The following VPS53 variants were observed in gnomAD, a reference collection of about 807,000 sequenced individuals.
VPS53 encodes VPS53 subunit of GARP complex, also known as vacuolar protein sorting-associated protein 53 homolog.
VPS53 carries 70 observed loss-of-function variants against 107.0 expected under a neutral mutation model. That is an observed-to-expected ratio of 0.65 (90% CI 0.54 to 0.80). VPS53 has a LOEUF of 0.80. VPS53 is among the 30% of genes least tolerant of loss of function. The pLI is 0.00. For missense variants in VPS53, 917 were observed against 1,049.4 expected (o/e 0.87, Z 1.74); for synonymous variants, 409 against 393.3 (o/e 1.04, Z -0.47).
rs141812866 is a variant in VPS53, at chr17:680,166, C to T, written c.285+17252G>A. Among the ~76,000 whole-genome samples the T allele has an allele frequency of 9.2e-5, 14 of 152,120 alleles. No individual in the cohort carries two copies. The East Asian group carries it at 2.7e-3, about 29-fold the overall frequency. On this transcript the variant is annotated intron_variant, in intron 4 of 21. Transcript: ENST00000437048. ...AAAATTAGCCGGTCATGGTAGCAGG[C>T]GTCTGTTATCCCAGCTACTCGGGAG...
At chr17:554,731 C>A (rs79305818) in intron 15 of VPS53, among the ~76,000 whole-genome samples, 1,807 of 152,230 alleles carry the variant, frequency 0.012, 27 homozygotes, top group African/African-American at 0.041. Flanking sequence ...ACAGAATAAC[C>A]AATGTTTTGT....
At chr17:714,282 G>A in intron 1 of VPS53, 1 of 287,286 alleles carries the variant, frequency 3.5e-6, no homozygotes, top group Non-Finnish European at 6.5e-6. Flanking sequence ...GTTGGCACGA[G>A]TCTGGTAAAT....
At chr17:639,474 T>C (rs1010896174) in intron 7 of VPS53, among the ~76,000 whole-genome samples, 9 of 152,312 alleles carry the variant, frequency 5.9e-5, no homozygotes, top group African/African-American at 2.2e-4. Context: ...CTTTGTTCCT[T>C]TGGAGGGGGA....
intron 4 of VPS53, among the ~76,000 whole-genome samples, chr17:692,146 G>A (rs763950337): frequency 5.3e-5 from 8 of 152,130 alleles, no homozygotes; most frequent in African/African-American, 9.7e-5. Context: ...ACCGGTCAAC[G>A]TTGGCCACTC....
intron 17 of VPS53, among the ~76,000 whole-genome samples, chr17:541,483 AGGGG>A (rs1910641857): frequency 7.1e-6 from 1 of 141,640 alleles, no homozygotes; most frequent in African/African-American, 2.7e-5. Flanking sequence ...ACCATGCACC[AGGGG>A]CTGAAAGAAT....
At chr17:633,643 C>T (rs989987292) in intron 7 of VPS53, among the ~76,000 whole-genome samples, 2 of 152,110 alleles carry the variant, frequency 1.3e-5, no homozygotes, top group African/African-American at 4.8e-5. Flanking sequence ...TTTAAAACCA[C>T]TCTTAGAGGT....
chr17:536,930 C>CT (rs779525938), intron 18 of VPS53, 98 bp downstream of exon 18: 2 of 1,475,262 alleles, frequency 1.4e-6, no homozygotes, highest in Non-Finnish European at 1.8e-6. Flanking sequence ...AATCTCTGTG[C>CT]TTGCTGCTTA....
At chr17:677,173 C>T (rs1972200893) in intron 4 of VPS53, among the ~76,000 whole-genome samples, 1 of 152,092 alleles carries the variant, frequency 6.6e-6, no homozygotes, top group Non-Finnish European at 1.5e-5. Flanking sequence ...TCACTGTTCA[C>T]AAAAGCCAAA....
chr17:549,786 C>T (rs918698679), intron 17 of VPS53, among the ~76,000 whole-genome samples: 1 of 152,116 alleles, frequency 6.6e-6, no homozygotes, highest in African/African-American at 2.4e-5. Flanking sequence ...CCTCACTTTG[C>T]CTGCTCAGAG....
At chr17:695,462 G>A (rs1410436859) in intron 4 of VPS53, among the ~76,000 whole-genome samples, 1 of 152,118 alleles carries the variant, frequency 6.6e-6, no homozygotes, top group African/African-American at 2.4e-5. Flanking sequence ...CATGCTCGTA[G>A]AGCACAAAGT....
intron 13 of VPS53, among the ~76,000 whole-genome samples, chr17:569,108 G>A (rs542888053): frequency 1.7e-4 from 26 of 152,186 alleles, no homozygotes; most frequent in Non-Finnish European, 3.7e-4. Context: ...TACAGGATAA[G>A]CCTAGTATAT....
intron 4 of VPS53, among the ~76,000 whole-genome samples, chr17:694,461 T>C (rs975506134): frequency 3.3e-5 from 5 of 152,140 alleles, no homozygotes; most frequent in African/African-American, 1.2e-4. Flanking sequence ...CAACAAAAAA[T>C]GCCGATGAAT....
At chr17:694,711 A>C (rs1345049811) in intron 4 of VPS53, among the ~76,000 whole-genome samples, 3 of 152,210 alleles carry the variant, frequency 2.0e-5, no homozygotes, top group Non-Finnish European at 4.4e-5. Flanking sequence ...ATTTATAATT[A>C]ATAAACAATC....
intron 2 of VPS53, among the ~76,000 whole-genome samples, chr17:700,493 G>A (rs1973157024): frequency 6.6e-6 from 1 of 152,158 alleles, no homozygotes; most frequent in Admixed American, 6.6e-5. Flanking sequence ...AGAGGTTGCA[G>A]TGAGCTGAGA....
At chr17:586,195 G>A in intron 13 of VPS53, 75 bp downstream of exon 13, 1 of 1,357,212 alleles carries the variant, frequency 7.4e-7, no homozygotes, top group Non-Finnish European at 1.1e-6. Flanking sequence ...GGAAGGAGCT[G>A]TGCGCTCCTA....
At chr17:628,255 G>A (rs1969802065) in intron 8 of VPS53, 24 bp from the exon 9 acceptor site, 6 of 1,610,596 alleles carry the variant, frequency 3.7e-6, no homozygotes, top group Non-Finnish European at 5.1e-6. Flanking sequence ...CATGTACCAG[G>A]TGAAAAGCCA....
chr17:662,821 G>GAA (rs1567719949), intron 4 of VPS53, among the ~76,000 whole-genome samples: 2 of 101,456 alleles, frequency 2.0e-5, no homozygotes, highest in African/African-American at 5.7e-5. Context: ...AAGAAAGAAA[G>GAA]AGAAAGAGAA....
chr17:601,935 C>G (rs759715720), intron 11 of VPS53, 39 bp from the exon 12 acceptor site: 6 of 1,416,086 alleles, frequency 4.2e-6, no homozygotes, highest in Non-Finnish European at 5.8e-6. Context: ...GTTTTCTGAG[C>G]ATATTCAATA....
At chr17:551,546 GA>G in intron 17 of VPS53, 1 of 158,034 alleles carries the variant, frequency 6.3e-6, no homozygotes. Flanking sequence ...CAGCCTGAGT[GA>G]CAGAGAGAGA....
Sources: allele counts gnomAD v4.1 joint callset (sites outside exome capture counted in the v4.1 genomes callset), GRCh38; gene constraint gnomAD v4.1.1; transcripts MANE v1.5; gene names NCBI Gene and HGNC (gene_info 2026-07-23, HGNC 2026-07-21).